Variants in CD300LF observed in about 807,000 individuals in gnomAD.
CD300LF encodes CMRF35-like molecule 1.
In CD300LF, 27 loss-of-function variants were observed where a neutral mutation model predicts 32.2. That is an observed-to-expected ratio of 0.84 (90% CI 0.62 to 1.15). The LOEUF (loss-of-function observed/expected upper bound fraction) is 1.15, where lower values mean the gene tolerates loss of function less well. Among genes scored for constraint, CD300LF ranks in the 50% most tolerant of loss-of-function variants. CD300LF has a pLI of 0.00. For missense variants in CD300LF, 348 were observed against 356.8 expected, an observed-to-expected ratio of 0.98 and a Z score of 0.20; for synonymous variants, 139 against 143.2, an observed-to-expected ratio of 0.97 and a Z score of 0.21.
chr17:74,698,744 A>G, intron 3 of CD300LF: 2 of 721,134 alleles, frequency 2.8e-6, no homozygotes, highest in Non-Finnish European at 4.3e-6. Context: ...TCAAAAAACT[A>G]CAAACTACCT....
chr17:74,705,401 T>C (rs2143795010), intron 1 of CD300LF: 1 of 528,140 alleles, frequency 1.9e-6, no homozygotes, highest in Non-Finnish European at 3.5e-6. Flanking sequence ...ACAACACAGA[T>C]CCCACTTTCT....
chr17:74,701,690 G>T (rs1430658723), intron 3 of CD300LF, among the ~76,000 whole-genome samples: 4 of 151,866 alleles, frequency 2.6e-5, no homozygotes, highest in Non-Finnish European at 5.9e-5. Flanking sequence ...AAACCCCATC[G>T]CTACTAAAAA....
chr17:74,707,204 A>C (rs1215078117), intron 1 of CD300LF, among the ~76,000 whole-genome samples: 1 of 152,248 alleles, frequency 6.6e-6, no homozygotes, highest in Non-Finnish European at 1.5e-5. Context: ...GACAACCTAC[A>C]GAGTGAGAGA....
intron 3 of CD300LF, among the ~76,000 whole-genome samples, chr17:74,699,954 A>C (rs964021748): frequency 1.3e-5 from 2 of 152,144 alleles, no homozygotes; most frequent in Admixed American, 6.5e-5. Context: ...CAGCCTGACC[A>C]ACATGGTGAA....
rs998332318 is a variant in CD300LF, at chr17:74,704,621, A to T, written c.239T>A (p.Val80Glu). 6.2e-7 allele frequency: 1 copy of T among 1,614,050 alleles called. No homozygotes were observed. Among genetic ancestry groups the T allele is most frequent in the African/African-American group, 1.3e-5 (1 of 74,918 alleles). ...GSEQEVKRDR[V>E]SIKDNQKNRT... ...GTTTTTCTGATTGTCCTTGATGGAC[A>T]CCCGGTCCCTCTTCACCTCCTGCTC... The change falls in exon 2 of 7, where the codon GTG becomes GAG. Residue 80 changes from valine to glutamate, a missense_variant. Physicochemically the swap from Val to Glu is moderately radical, Grantham distance 121 (BLOSUM62 -2). Coordinates refer to ENST00000326165, the MANE Select transcript of CD300LF (RefSeq NM_139018.5).
In CD300LF at chr17:74,695,098, A is replaced by G. The variant is rs752296807; in HGVS notation, c.871T>C (p.Ter291GlnextTer59). The change falls in exon 7 of 7, where the codon TAG becomes CAG. Residue 291 changes from the stop codon to glutamine (Q), a stop_lost. Coordinates refer to ENST00000326165, the MANE Select transcript of CD300LF (RefSeq NM_139018.5). ...CAAGAAGGAGCCTGGAGTGCAGGCT[A>G]AGGCCTGCTGATGGTGCTGTATTCC... is the stretch of plus-strand genomic sequence containing the variant. ...PTEYSTISRP[*>Q] The G allele has an allele frequency of 6.2e-6, 10 of 1,613,064 alleles. No homozygotes were observed. The highest frequency in any genetic ancestry group is 5.9e-6 in the Non-Finnish European group (7 of 1,179,560).
chr17:74,706,177 T>C (rs188142902), intron 1 of CD300LF, among the ~76,000 whole-genome samples: 40 of 151,978 alleles, frequency 2.6e-4, no homozygotes, highest in African/African-American at 8.4e-4. Context: ...GGGTGACAGG[T>C]TTGATTGAGG....
At chr17:74,698,120 G>A (rs1203095152) in intron 4 of CD300LF, among the ~76,000 whole-genome samples, 2 of 152,228 alleles carry the variant, frequency 1.3e-5, no homozygotes, top group Non-Finnish European at 2.9e-5. Flanking sequence ...GAGACAGGGA[G>A]GTGGATCAGA....
At position 74,704,764 on chromosome 17, in the gene CD300LF, C is replaced by T. The variant is rs147073900; in HGVS notation, c.96G>A (p.Glu32=). ...CACACTGCACGGTCAAGGAGCCCCG[C>T]TCCAAGCCATTCACTGTTGTTGGAC... ...ITGPTTVNGL[E]RGSLTVQCVY... The change falls in exon 2 of 7, where the codon GAG becomes GAA. Residue 32 remains glutamate (E), a synonymous_variant. Transcript: ENST00000326165. 113 of 1,614,172 alleles carry T rather than the reference C, an allele frequency of 7.0e-5. No individual in the cohort carries two copies. The African/African-American group carries it at 1.4e-3, about 21-fold the overall frequency.
intron 1 of CD300LF, among the ~76,000 whole-genome samples, chr17:74,711,085 A>G (rs2033927156): frequency 6.6e-6 from 1 of 152,048 alleles, no homozygotes; most frequent in South Asian, 2.1e-4. Flanking sequence ...AAACTTCCGG[A>G]TGGGTATTTT....
intron 4 of CD300LF, among the ~76,000 whole-genome samples, chr17:74,697,233 G>A (rs190216645): frequency 4.6e-5 from 7 of 152,140 alleles, no homozygotes; most frequent in East Asian, 3.9e-4. Context: ...CATGAGCCAC[G>A]ACACCCAGAG....
intron 1 of CD300LF, among the ~76,000 whole-genome samples, chr17:74,707,530 C>A (rs955634275): frequency 2.2e-4 from 34 of 152,220 alleles, no homozygotes; most frequent in African/African-American, 8.2e-4. Flanking sequence ...GCCTAGGCAA[C>A]ATGGTGAAAT....
rs780345043 is a variant in CD300LF at position 74,695,710 on chromosome 17, C to T, written c.717+15G>A. On this transcript the variant is annotated intron_variant, in intron 6 of 6. Transcript: ENST00000326165. The stretch of plus-strand genomic sequence containing the variant: ...CCCTGCCCCAGCCTCACAGCAGCCC[C>T]CATGGAGGACGCACCATGGTGACAT... The T allele has an allele frequency of 2.6e-5, 42 of 1,613,934 alleles. No homozygotes were observed. The highest frequency in any genetic ancestry group is 3.5e-5 in the Non-Finnish European group (41 of 1,180,002).
intron 1 of CD300LF, among the ~76,000 whole-genome samples, chr17:74,711,082 C>T (rs957971000): frequency 6.6e-6 from 1 of 152,048 alleles, no homozygotes; most frequent in Admixed American, 6.6e-5. Flanking sequence ...AACAAACTTC[C>T]GGATGGGTAT....
Position 74,703,037 on chromosome 17 carries a change from G to A in CD300LF, c.444C>T (p.Asn148=), listed in dbSNP as rs1567790635. ...SPTLTGHHLD[N]RHKLLKLSVL... ...CAGTGGAACCAGAGCTGGCTTACCT[G>A]TTGTCCAAGTGGTGGCCGGTCAGAG... The change falls in exon 3 of 7, where the codon AAC becomes AAT. Residue 148 remains asparagine (N), a splice_region_variant and synonymous_variant. Coordinates refer to ENST00000326165, the MANE Select transcript of CD300LF (RefSeq NM_139018.5). 1 of 1,613,000 alleles carries A rather than the reference G, an allele frequency of 6.2e-7. No individual in the cohort carries two copies. Among genetic ancestry groups the A allele is most frequent in the East Asian group, 2.2e-5 (1 of 44,872 alleles).
chr17:74,695,588 C>T (rs78844873), intron 6 of CD300LF, 137 bp downstream of exon 6: 1 of 1,271,262 alleles, frequency 7.9e-7, no homozygotes, highest in Non-Finnish European at 1.1e-6. Flanking sequence ...GCGAGTCCTG[C>T]AGTGACTATG....
At chr17:74,705,221 A>G (rs2143791761) in intron 1 of CD300LF, 1 of 702,446 alleles carries the variant, frequency 1.4e-6, no homozygotes, top group East Asian at 2.7e-5. Context: ...CTTAGCACTG[A>G]TGACCCTCAT....
intron 1 of CD300LF, among the ~76,000 whole-genome samples, chr17:74,707,670 G>A (rs2033624870): frequency 6.6e-6 from 1 of 150,478 alleles, no homozygotes; most frequent in Non-Finnish European, 1.5e-5. Flanking sequence ...AGCCAAGATC[G>A]TGCCACTGCA....
intron 4 of CD300LF, among the ~76,000 whole-genome samples, chr17:74,697,815 G>T (rs1009165784): frequency 2.6e-5 from 4 of 152,190 alleles, no homozygotes; most frequent in Admixed American, 2.6e-4. Context: ...AGAAGGAAAG[G>T]CCATTCCAAT....
Sources: allele counts gnomAD v4.1 joint callset (sites outside exome capture counted in the v4.1 genomes callset), GRCh38; gene constraint gnomAD v4.1.1; transcripts MANE v1.5; gene names NCBI Gene and HGNC (gene_info 2026-07-23, HGNC 2026-07-21).